IL10RA: variants seen among roughly 807,000 people sequenced by gnomAD.
The protein encoded by IL10RA is interleukin-10 receptor subunit alpha.
In IL10RA, 18 loss-of-function variants were observed where a neutral mutation model predicts 29.6. That is an observed-to-expected ratio of 0.61 (90% CI 0.42 to 0.90). IL10RA has a LOEUF of 0.90. Ranked by LOEUF, IL10RA falls within the 40% of genes least tolerant of loss-of-function variation. IL10RA has a pLI of 0.00. For missense variants in IL10RA, 634 were observed against 716.6 expected (o/e 0.88, Z 1.32); for synonymous variants, 292 against 294.1 (o/e 0.99, Z 0.07).
intron 1 of IL10RA, 80 bp downstream of exon 1, chr11:117,986,614 C>A: frequency 3.9e-6 from 6 of 1,544,054 alleles, no homozygotes; most frequent in Non-Finnish European, 5.2e-6. Flanking sequence ...CAGTGGAGAG[C>A]CCTGGCTGGC....
chr11:117,988,322 A>G, intron 1 of IL10RA, 60 bp from the exon 2 acceptor site: 1 of 1,610,214 alleles, frequency 6.2e-7, no homozygotes, highest in Non-Finnish European at 8.5e-7. Context: ...CTTTGGTAAA[A>G]TTGGGGTCAT....
rs751961432 is a variant in IL10RA at position 117,989,613 on chromosome 11, G to A, written c.360G>A (p.Val120=). ...NWTVTNTRFS[V]DEVTLTVGSV... is the part of the protein sequence containing the mutation. ...CCGTCACCAACACCCGCTTCTCTGTGGATGAAGGTGCTTTTCCTCCCTTGA... is the reference window on the plus strand; with the variant it reads ...CCGTCACCAACACCCGCTTCTCTGTAGATGAAGGTGCTTTTCCTCCCTTGA... The change falls in exon 3 of 7, where the codon GTG becomes GTA. Residue 120 remains valine, a synonymous_variant. Transcript: ENST00000227752. This position sits in a 1 kb window ranked among gnomAD's most constrained non-coding sequence, Gnocchi z 4.5. The A allele has an allele frequency of 1.2e-6, 2 of 1,613,772 alleles. No homozygotes were observed. The highest frequency in any genetic ancestry group is 2.7e-5 in the African/African-American group (2 of 74,920).
In IL10RA at chr11:118,001,240, G is replaced by A. The variant is rs1355838848; in HGVS notation, c.*1599G>A. 4.4e-6 allele frequency: 2 copies of A among 454,104 alleles called. No homozygotes were observed. The highest frequency in any genetic ancestry group is 8.8e-6 in the Non-Finnish European group (2 of 226,782). 28.1% of individuals were successfully genotyped at this position (454,104 alleles called of 1,614,324 possible). A position where few individuals can be genotyped will look rare whatever the true frequency, so the allele number is the denominator to read the frequency against. Reference sequence around the variant, plus strand: ...CAGCATTGCACAGTGAAAGAATTCTGGATATCTCAGGAGCCCCGAAATTCT... The same window carrying A: ...CAGCATTGCACAGTGAAAGAATTCTAGATATCTCAGGAGCCCCGAAATTCT... On this transcript the variant is annotated 3_prime_UTR_variant, in exon 7 of 7. Transcript: ENST00000227752.
intron 1 of IL10RA, 84 bp from the exon 2 acceptor site, chr11:117,988,298 A>T (rs901784852): frequency 8.0e-5 from 127 of 1,579,226 alleles, no homozygotes; most frequent in Non-Finnish European, 1.0e-4. Context: ...AGCCTCTCTG[A>T]ACCTCCCTTT....
chr11:117,988,751 T>TTTCTG (rs1555066819), intron 2 of IL10RA, among the ~76,000 whole-genome samples: 3 of 151,958 alleles, frequency 2.0e-5, no homozygotes, highest in African/African-American at 7.3e-5. Flanking sequence ...GCTTTTCTCT[T>TTTCTG]TTTTGTTTTG....
downstream of IL10RA, chr11:118,002,520 C>A (rs1565376043): frequency 6.6e-6 from 1 of 152,204 alleles, no homozygotes; most frequent in Non-Finnish European, 1.5e-5. Context: ...ATGGCTTATT[C>A]CCCATGGAAA....
At chr11:117,995,844 G>A in intron 6 of IL10RA, 134 bp downstream of exon 6, 1 of 942,346 alleles carries the variant, frequency 1.1e-6, no homozygotes, top group Non-Finnish European at 1.7e-6. Flanking sequence ...ATGTGATTGG[G>A]AGATACCTTC....
intron 3 of IL10RA, among the ~76,000 whole-genome samples, chr11:117,990,350 G>A (rs1319313813): frequency 8.5e-5 from 7 of 82,662 alleles, no homozygotes; most frequent in African/African-American, 4.4e-4. Flanking sequence ...CAGGGCATCT[G>A]TATTTTTTTT....
chr11:117,993,963 A>C lies in IL10RA; in HGVS notation c.538-36A>C, dbSNP rs1028575401. 3 of 1,602,416 alleles carry C rather than the reference A, an allele frequency of 1.9e-6. No individual in the cohort carries two copies. The African/African-American group carries it at 4.0e-5, about 21-fold the overall frequency. On this transcript the variant is annotated intron_variant, in intron 4 of 6. Coordinates refer to ENST00000227752, the MANE Select transcript of IL10RA (RefSeq NM_001558.4). ...CTCAGTGTCCGTGTGCCATGAAATAAAAGGATTTTGTTAATTGCTATCATT... is the reference window on the plus strand; with the variant it reads ...CTCAGTGTCCGTGTGCCATGAAATACAAGGATTTTGTTAATTGCTATCATT...
rs1448375393 is a variant in IL10RA, at chr11:118,000,996, C to T, written c.*1355C>T. The T allele has an allele frequency of 2.2e-6, 1 of 454,224 alleles. No individual in the cohort carries two copies. Among genetic ancestry groups the T allele is most frequent in the South Asian group, 1.6e-5 (1 of 64,472 alleles). 28.1% of individuals were successfully genotyped at this position (454,224 alleles called of 1,614,324 possible). A position where few individuals can be genotyped will look rare whatever the true frequency, so the allele number is the denominator to read the frequency against. On this transcript the variant is annotated 3_prime_UTR_variant, in exon 7 of 7. Coordinates refer to ENST00000227752, the MANE Select transcript of IL10RA (RefSeq NM_001558.4). ...CTGTGAGGGGACAGGCCTGTGCGTG[C>T]CATCCAGAGTCATCTCAGCCCTGCC...
Position 117,994,149 on chromosome 11 carries a change from T to C in IL10RA, c.688T>C (p.Tyr230His). 5 of 1,613,804 alleles carry C rather than the reference T, an allele frequency of 3.1e-6. No homozygotes were observed. The highest frequency in any genetic ancestry group is 3.4e-6 in the Non-Finnish European group (4 of 1,179,824). Reference protein sequence around the residue: ...KEECISLTRQYFTVTNVIIFF... With the variant: ...KEECISLTRQHFTVTNVIIFF... Reference sequence around the variant, plus strand: ...GGAGTGCATCTCCCTCACCAGGCAGTGTGAGTCAGCTGGGCTGCTCTCAGC... The same window carrying C: ...GGAGTGCATCTCCCTCACCAGGCAGCGTGAGTCAGCTGGGCTGCTCTCAGC... The change falls in exon 5 of 7, where the codon TAT becomes CAT. Residue 230 changes from tyrosine (Y) to histidine (H), a missense_variant and splice_region_variant. Physicochemically the swap from Tyr to His is moderately conservative, Grantham distance 83. Coordinates refer to ENST00000227752, the MANE Select transcript of IL10RA (RefSeq NM_001558.4).
In IL10RA at chr11:117,993,250, C is replaced by T. The variant is rs905474913; in HGVS notation, c.377C>T (p.Thr126Ile). 6.2e-7 allele frequency: 1 copy of T among 1,613,892 alleles called. No individual in the cohort carries two copies. Among genetic ancestry groups the T allele is most frequent in the African/African-American group, 1.3e-5 (1 of 74,884 alleles). Residue 126 changes from threonine (T) to isoleucine (I), a missense_variant, in exon 4 of 7, where the codon ACA becomes ATA. Physicochemically the swap from Thr to Ile is moderately conservative, Grantham distance 89. Transcript: ENST00000227752. ...TRFSVDEVTL[T>I]VGSVNLEIHN... ...CCCCAACTCCATTTAGTGACTCTGA[C>T]AGTTGGCAGTGTGAACCTAGAGATC...
intron 6 of IL10RA, among the ~76,000 whole-genome samples, chr11:117,996,444 C>G (rs958873816): frequency 1.3e-5 from 2 of 152,248 alleles, no homozygotes; most frequent in Non-Finnish European, 2.9e-5. Flanking sequence ...TTCCAAACCT[C>G]GGCCTGGTCT....
At chr11:117,997,293 A>G (rs1011817723) in intron 6 of IL10RA, among the ~76,000 whole-genome samples, 3 of 152,240 alleles carry the variant, frequency 2.0e-5, no homozygotes, top group African/African-American at 4.8e-5. Flanking sequence ...AGCACCTTCT[A>G]TGTACCACAC....
In IL10RA at chr11:117,999,437, C is replaced by T. The variant is rs751283486; in HGVS notation, c.1533C>T (p.Ala511=). 2 of 1,614,178 alleles carry T rather than the reference C, an allele frequency of 1.2e-6. No homozygotes were observed. Among genetic ancestry groups the T allele is most frequent in the Non-Finnish European group, 1.7e-6 (2 of 1,180,018 alleles). The part of the protein sequence containing the change: ...PLEMTLASSG[A]PTGQWNQPTE... ...AAATGACTCTGGCTTCCTCAGGGGC[C>T]CCAACGGGACAGTGGAACCAGCCCA... Residue 511 remains alanine, a synonymous_variant, in exon 7 of 7, where the codon GCC becomes GCT. Coordinates refer to ENST00000227752, the MANE Select transcript of IL10RA (RefSeq NM_001558.4).
rs570388637 is a variant in IL10RA at position 117,995,548 on chromosome 11, CCATGGTGACAGGCCACAAA to C, written c.689-38_689-20del. On this transcript the variant is annotated intron_variant, in intron 5 of 6. Coordinates refer to ENST00000227752, the MANE Select transcript of IL10RA (RefSeq NM_001558.4). ...GTCCTATGTCCAGAATCACCGTGCC[CCATGGTGACAGGCCACAAA>C]CACATCTCTCTGGGCCTGCAGATTT... 7.7e-5 allele frequency: 124 copies of C among 1,613,704 alleles called. 1 individual carries two copies. In the South Asian group the frequency reaches 1.3e-3, roughly 16 times the overall value.
chr11:118,002,400 A>G (rs1386035267), downstream of IL10RA: 1 of 152,212 alleles, frequency 6.6e-6, no homozygotes, highest in Non-Finnish European at 1.5e-5. Flanking sequence ...GAACTTGACT[A>G]ATATCACGCC....
At chr11:117,988,958 A>T (rs2058005407) in intron 2 of IL10RA, among the ~76,000 whole-genome samples, 1 of 151,986 alleles carries the variant, frequency 6.6e-6, no homozygotes, top group Non-Finnish European at 1.5e-5. Flanking sequence ...ACGGGTTTTC[A>T]CCATGTTGGC....
At chr11:117,988,639 A>T in intron 2 of IL10RA, 137 bp downstream of exon 2, 3 of 982,120 alleles carry the variant, frequency 3.1e-6, no homozygotes. Flanking sequence ...AGCAGTTGAC[A>T]AGTACTGACT....
Sources: allele counts gnomAD v4.1 joint callset (sites outside exome capture counted in the v4.1 genomes callset), GRCh38; gene constraint gnomAD v4.1.1; non-coding constraint Gnocchi (gnomAD v3.1); transcripts MANE v1.5; gene names NCBI Gene and HGNC (gene_info 2026-07-23, HGNC 2026-07-21).